The following TCF20 variants were observed in gnomAD, a reference collection of about 807,000 sequenced individuals.
The protein encoded by TCF20 is SPRE-binding protein.
Under a neutral mutation model 148.6 loss-of-function variants are expected in TCF20, and 3 were observed. The observed-to-expected ratio is 0.02, with a 90% CI of 0.01 to 0.05. The LOEUF (loss-of-function observed/expected upper bound fraction) is 0.05. TCF20 is among the 10% of genes least tolerant of loss of function. The pLI is 1.00. For missense variants in TCF20, 2,350 were observed against 2,429.3 expected, an observed-to-expected ratio of 0.97 and a Z score of 0.69; for synonymous variants, 1,049 against 909.5, an observed-to-expected ratio of 1.15 and a Z score of -2.76.
chr22:42,266,153 T>C (rs1926276391), intron 1 of TCF20, among the ~76,000 whole-genome samples: 1 of 151,576 alleles, frequency 6.6e-6, no homozygotes, highest in Non-Finnish European at 1.5e-5. Flanking sequence ...CTGACTGATT[T>C]GTGCCTTGAG....
At chr22:42,196,764 A>G (rs1203049275) in intron 2 of TCF20, among the ~76,000 whole-genome samples, 4 of 152,232 alleles carry the variant, frequency 2.6e-5, no homozygotes, top group Non-Finnish European at 4.4e-5. Flanking sequence ...TGAGAAACAC[A>G]TAACAGAGAT....
intron 1 of TCF20, among the ~76,000 whole-genome samples, chr22:42,229,301 A>C (rs1923188572): frequency 6.6e-6 from 1 of 152,312 alleles, no homozygotes; most frequent in Middle Eastern, 3.4e-3. Flanking sequence ...TAACCTGTTT[A>C]AACTTAGCAC....
chr22:42,222,532 A>G (rs1183879360), intron 1 of TCF20, among the ~76,000 whole-genome samples: 1 of 151,704 alleles, frequency 6.6e-6, no homozygotes, highest in African/African-American at 2.4e-5. Flanking sequence ...TCCCAACACA[A>G]TTTCTGCTTC....
At chr22:42,281,710 T>C (rs915364971) in intron 1 of TCF20, among the ~76,000 whole-genome samples, 2 of 151,920 alleles carry the variant, frequency 1.3e-5, no homozygotes, top group Admixed American at 6.6e-5. Context: ...CCCCTTGGGG[T>C]GAGTTTGCCC....
rs747908711 is a variant in TCF20 at position 42,210,791 on chromosome 22, A to T, written c.4515T>A (p.Pro1505=). The change falls in exon 2 of 6, where the codon CCT becomes CCA. Residue 1505 remains proline, a synonymous_variant. Coordinates refer to ENST00000677622, the MANE Select transcript of TCF20 (RefSeq NM_001378418.1). This position sits in a 1 kb window ranked among gnomAD's most constrained non-coding sequence, Gnocchi z 4.7. ...KNVPPVGILA[P]EANPKAEEKE... is the part of the protein sequence containing the mutation. ...TCTCTTCAGCCTTGGGGTTTGCCTCAGGGGCCAATATGCCCACTGGAGGTA... is the reference window on the plus strand; with the variant it reads ...TCTCTTCAGCCTTGGGGTTTGCCTCTGGGGCCAATATGCCCACTGGAGGTA... The T allele has an allele frequency of 6.2e-7, 1 of 1,614,082 alleles. No homozygotes were observed. The highest frequency in any genetic ancestry group is 8.5e-7 in the Non-Finnish European group (1 of 1,180,046).
intron 1 of TCF20, among the ~76,000 whole-genome samples, chr22:42,339,901 G>A (rs1039452601): frequency 6.6e-6 from 1 of 152,218 alleles, no homozygotes; most frequent in East Asian, 1.9e-4. Flanking sequence ...ATCCCAGGAT[G>A]CACGAAAGAG....
intron 2 of TCF20, among the ~76,000 whole-genome samples, chr22:42,188,686 G>A (rs1266601222): frequency 6.6e-6 from 1 of 152,180 alleles, no homozygotes; most frequent in Middle Eastern, 3.4e-3. Flanking sequence ...TTATTCTCAG[G>A]GCTCTTTTCT....
At chr22:42,260,875 G>T (rs775099573) in intron 1 of TCF20, among the ~76,000 whole-genome samples, 10 of 152,268 alleles carry the variant, frequency 6.6e-5, no homozygotes, top group Non-Finnish European at 1.3e-4. Context: ...ACAATTCCTG[G>T]GTTGTTTTTG....
At chr22:42,243,695 AAT>A (rs1212278611) in intron 1 of TCF20, among the ~76,000 whole-genome samples, 2 of 152,222 alleles carry the variant, frequency 1.3e-5, no homozygotes, top group African/African-American at 4.8e-5. Context: ...GCACCACACT[AAT>A]ATGAGATATT....
At chr22:42,246,827 G>C (rs1029561731) in intron 1 of TCF20, among the ~76,000 whole-genome samples, 10 of 151,906 alleles carry the variant, frequency 6.6e-5, no homozygotes, top group African/African-American at 2.4e-4. Context: ...TTAGCCAGGC[G>C]TGGTGGCGGG....
intron 1 of TCF20, among the ~76,000 whole-genome samples, chr22:42,342,593 G>T (rs1158331273): frequency 6.6e-6 from 1 of 152,226 alleles, no homozygotes; most frequent in Non-Finnish European, 1.5e-5. Context: ...GGAGGCAGGG[G>T]CCTGCCAAGG....
intron 2 of TCF20, among the ~76,000 whole-genome samples, chr22:42,193,942 T>C (rs1367864370): frequency 3.3e-5 from 5 of 152,168 alleles, no homozygotes; most frequent in African/African-American, 7.2e-5. Context: ...ACATGACTTT[T>C]CTTTCAAGAG....
At chr22:42,289,070 G>A (rs1270011326) in intron 1 of TCF20, among the ~76,000 whole-genome samples, 3 of 152,198 alleles carry the variant, frequency 2.0e-5, no homozygotes, top group Non-Finnish European at 4.4e-5. Context: ...TCAGGCGGGG[G>A]CCGATGACTG....
At chr22:42,228,428 A>G (rs752543659) in intron 1 of TCF20, among the ~76,000 whole-genome samples, 1 of 152,218 alleles carries the variant, frequency 6.6e-6, no homozygotes, top group Non-Finnish European at 1.5e-5. Flanking sequence ...TTCAACTGTC[A>G]CAATAATCCC....
chr22:42,306,813 C>T (rs1031167071), intron 1 of TCF20, among the ~76,000 whole-genome samples: 6 of 151,948 alleles, frequency 3.9e-5, no homozygotes, highest in Admixed American at 1.3e-4. Flanking sequence ...CCAAGGTGGG[C>T]GGATCACCTG....
Position 42,211,310 on chromosome 22 carries a change from G to A in TCF20, c.3996C>T (p.Thr1332=), listed in dbSNP as rs1167556904. The change falls in exon 2 of 6, where the codon ACC becomes ACT. Residue 1332 remains threonine, a synonymous_variant. Transcript: ENST00000677622. ...SPDSRNCPAV[T]LTSPAKTKIL... is the part of the protein sequence containing the mutation. Reference sequence around the variant, plus strand: ...TTTTGGTCTTAGCAGGGCTTGTGAGGGTAACAGCAGGGCAGTTTCTACTAT... The same window carrying A: ...TTTTGGTCTTAGCAGGGCTTGTGAGAGTAACAGCAGGGCAGTTTCTACTAT... 3.1e-6 allele frequency: 5 copies of A among 1,614,076 alleles called. No individual in the cohort carries two copies. Among genetic ancestry groups the A allele is most frequent in the Non-Finnish European group, 4.2e-6 (5 of 1,180,058 alleles).
At chr22:42,197,936 AC>A (rs1937688639) in intron 2 of TCF20, among the ~76,000 whole-genome samples, 1 of 152,150 alleles carries the variant, frequency 6.6e-6, no homozygotes, top group African/African-American at 2.4e-5. Context: ...CCTTGTTATG[AC>A]CCTTTGTTGA....
At chr22:42,325,156 C>A (rs1569210190) in intron 1 of TCF20, among the ~76,000 whole-genome samples, 1 of 152,252 alleles carries the variant, frequency 6.6e-6, no homozygotes, top group Non-Finnish European at 1.5e-5. Context: ...CCCCCCTAAC[C>A]AGAGCTCTGC....
chr22:42,251,116 A>C (rs1168648768), intron 1 of TCF20, among the ~76,000 whole-genome samples: 1 of 152,220 alleles, frequency 6.6e-6, no homozygotes, highest in African/African-American at 2.4e-5. Context: ...ACACATATCC[A>C]AACTATATTA....
Sources: gnomAD v4.1 joint callset for allele counts (sites outside exome capture counted in the v4.1 genomes callset) on GRCh38, gnomAD v4.1.1 for gene constraint, Gnocchi (gnomAD v3.1) non-coding constraint, MANE v1.5 for transcripts, NCBI Gene and HGNC (gene_info 2026-07-23, HGNC 2026-07-21) for gene names.